Variants in RGS9 observed in about 807,000 individuals in gnomAD.
The protein encoded by RGS9 is regulator of G-protein signalling 9.
A neutral mutation model predicts 102.0 loss-of-function variants in RGS9; 78 were observed. That is an observed-to-expected ratio of 0.76 (90% CI 0.64 to 0.92). The LOEUF (loss-of-function observed/expected upper bound fraction) is 0.92. Ranked by LOEUF, RGS9 falls within the 40% of genes least tolerant of loss-of-function variation. The pLI is 0.00. For synonymous variants in RGS9, 353 were observed against 318.6 expected (o/e 1.11, Z -1.15); for missense variants, 833 against 866.1 (o/e 0.96, Z 0.48).
At chr17:65,199,488 CTTTTTTTTTT>C (rs3034101) in intron 13 of RGS9, among the ~76,000 whole-genome samples, 1 of 108,330 alleles carries the variant, frequency 9.2e-6, no homozygotes, top group African/African-American at 3.9e-5. Context: ...GCTTCTGTTC[CTTTTTTTTTT>C]TTTTTTTTTT....
At chr17:65,168,009 G>A (rs536548711) in intron 7 of RGS9, among the ~76,000 whole-genome samples, 191 bp from the exon 8 acceptor site, 2 of 151,878 alleles carry the variant, frequency 1.3e-5, no homozygotes, top group Non-Finnish European at 2.9e-5. Context: ...GAGTTAATAC[G>A]TGTCAAAGTG....
chr17:65,171,752 G>A (rs1196643735), intron 8 of RGS9, among the ~76,000 whole-genome samples: 2 of 152,236 alleles, frequency 1.3e-5, no homozygotes, highest in Non-Finnish European at 2.9e-5. Flanking sequence ...TCAGCATCCT[G>A]TAATGAAGGA....
intron 9 of RGS9, 94 bp downstream of exon 9, chr17:65,177,897 A>T (rs1364309131): frequency 2.1e-6 from 2 of 963,238 alleles, no homozygotes; most frequent in Non-Finnish European, 3.4e-6. Flanking sequence ...TAGGGCAACG[A>T]TATCTCCTCT....
chr17:65,139,035 T>C (rs66579137), intron 1 of RGS9, among the ~76,000 whole-genome samples: 49,974 of 70,910 alleles, frequency 0.7, 18,034 homozygotes, highest in East Asian at 0.87. Flanking sequence ...CTCCTCCACC[T>C]TAGTCTCCCT....
chr17:65,177,752 G>C lies in RGS9; in HGVS notation c.603G>C (p.Leu201=). The stretch of plus-strand genomic sequence containing the variant: ...TTTAGCCTGGAATGGACAATGTGCT[G>C]GACTACGGCCTGGACCGAGTGACCA... ...HRCPPGMDNV[L]DYGLDRVTNP... is the part of the protein sequence containing the mutation. Residue 201 remains leucine (L), a synonymous_variant, in exon 9 of 19, where the codon CTG becomes CTC. Transcript: ENST00000262406. 6.2e-7 allele frequency: 1 copy of C among 1,614,126 alleles called. No individual in the cohort carries two copies. The highest frequency in any genetic ancestry group is 8.5e-7 in the Non-Finnish European group (1 of 1,179,976).
intron 17 of RGS9, among the ~76,000 whole-genome samples, chr17:65,222,052 T>C (rs1048696878): frequency 2.6e-5 from 4 of 152,246 alleles, no homozygotes; most frequent in African/African-American, 9.6e-5. Context: ...ATCTGGATGC[T>C]TCTAAGAAGA....
chr17:65,179,056 T>C (rs1911752863), intron 9 of RGS9, among the ~76,000 whole-genome samples: 1 of 152,214 alleles, frequency 6.6e-6, no homozygotes. Context: ...GGTAGTTTCA[T>C]TGCTTTCTGT....
chr17:65,193,487 GATGTCAT>G (rs1399448448), intron 11 of RGS9, 49 bp from the exon 12 acceptor site: 1 of 1,060,234 alleles, frequency 9.4e-7, no homozygotes, highest in Non-Finnish European at 1.5e-6. Context: ...CCTGTGTATT[GATGTCAT>G]ATCTTGGGTG....
At chr17:65,159,073 T>G (rs1310743183) in intron 3 of RGS9, among the ~76,000 whole-genome samples, 1 of 152,152 alleles carries the variant, frequency 6.6e-6, no homozygotes, top group African/African-American at 2.4e-5. Flanking sequence ...AGTCCTTGCC[T>G]TAACTGAGGG....
Position 65,193,549 on chromosome 17 carries a change from GA to G in RGS9, c.756del (p.Lys252AsnfsTer32), listed in dbSNP as rs1263374208. The G allele has an allele frequency of 4.4e-6, 7 of 1,607,536 alleles. No individual in the cohort carries two copies. In the African/African-American group the frequency reaches 8.0e-5, roughly 18 times the overall value. ...TTTTCTGTTTCCTTTTCAGGATTGTGAAATACAGTGAGCAGTTCTCATCCAA... is the reference window on the plus strand; with the variant it reads ...TTTTCTGTTTCCTTTTCAGGATTGTGAATACAGTGAGCAGTTCTCATCCAA... Reference protein sequence around the residue: ...KSSVSLGGIVKYSEQFSSNDA... With the variant: ...KSSVSLGGIVXYSEQFSSNDA... On this transcript the variant is annotated frameshift_variant, in exon 12 of 19. Transcript: ENST00000262406. LOFTEE classifies it high-confidence loss of function.
intron 1 of RGS9, among the ~76,000 whole-genome samples, chr17:65,152,719 C>T (rs1910625798): frequency 6.6e-6 from 1 of 152,132 alleles, no homozygotes; most frequent in Admixed American, 6.6e-5. Context: ...TTCGTAGAGG[C>T]AGGGTCTCAC....
At chr17:65,207,052 C>G (rs141928448) in intron 15 of RGS9, among the ~76,000 whole-genome samples, 1 of 152,192 alleles carries the variant, frequency 6.6e-6, no homozygotes, top group African/African-American at 2.4e-5. Context: ...TTAAAAGTAA[C>G]GAGCATTCAT....
chr17:65,221,692 C>T (rs977980544), intron 17 of RGS9, among the ~76,000 whole-genome samples: 1 of 152,190 alleles, frequency 6.6e-6, no homozygotes, highest in Non-Finnish European at 1.5e-5. Context: ...CAAACACTTC[C>T]CGCGGTTCTG....
intron 1 of RGS9, among the ~76,000 whole-genome samples, chr17:65,139,612 C>T (rs912411784): frequency 4.6e-5 from 7 of 152,188 alleles, no homozygotes; most frequent in African/African-American, 1.4e-4. Context: ...CTCCCCCTCT[C>T]GCTTGCCAAG....
intron 14 of RGS9, among the ~76,000 whole-genome samples, chr17:65,202,809 C>T (rs1001666989): frequency 2.6e-5 from 4 of 152,154 alleles, no homozygotes; most frequent in African/African-American, 4.8e-5. Flanking sequence ...AAGCCACACT[C>T]CCCCTCCCCA....
intron 11 of RGS9, 44 bp downstream of exon 11, chr17:65,190,280 G>C (rs1912318324): frequency 1.4e-6 from 2 of 1,471,546 alleles, no homozygotes; most frequent in Admixed American, 3.3e-5. Context: ...TGATGAACAG[G>C]TAGACAAGAG....
chr17:65,186,162 TTTTATTTATTTA>T (rs60422854), intron 9 of RGS9, among the ~76,000 whole-genome samples: 2,769 of 138,024 alleles, frequency 0.02, 76 homozygotes, highest in African/African-American at 0.067. Context: ...TTGGTTTACA[TTTTATTTATTTA>T]TTTATTTATT....
chr17:65,208,134 T>C (rs1475631635), intron 16 of RGS9, 127 bp downstream of exon 16: 2 of 701,064 alleles, frequency 2.9e-6, no homozygotes, highest in Non-Finnish European at 5.2e-6. Context: ...CTGGGAAGTA[T>C]TGCTCAGGGA....
chr17:65,218,640 GCTCT>G (rs749020638), intron 17 of RGS9, among the ~76,000 whole-genome samples: 1 of 152,026 alleles, frequency 6.6e-6, no homozygotes, highest in South Asian at 2.1e-4. Flanking sequence ...CTCAGAAATA[GCTCT>G]CTCTCTCTTT....
Sources: gnomAD v4.1 joint callset for allele counts (sites outside exome capture counted in the v4.1 genomes callset) on GRCh38, gnomAD v4.1.1 for gene constraint, MANE v1.5 for transcripts, NCBI Gene and HGNC (gene_info 2026-07-23, HGNC 2026-07-21) for gene names.